LRTM2: variants seen among roughly 807,000 people sequenced by gnomAD.
The protein encoded by LRTM2 is leucine-rich repeat and transmembrane domain-containing protein 2.
A neutral mutation model predicts 28.1 loss-of-function variants in LRTM2; 18 were observed. The ratio of observed to expected loss-of-function variants is 0.64; its 90% CI spans 0.44 to 0.95. The LOEUF (loss-of-function observed/expected upper bound fraction) is 0.95. Ranked by LOEUF, LRTM2 falls within the 40% of genes least tolerant of loss-of-function variation. The pLI, the probability that LRTM2 is intolerant of heterozygous loss-of-function variation, is 0.00. For synonymous variants in LRTM2, 250 were observed against 218.7 expected (o/e 1.14, Z -1.26); for missense variants, 436 against 497.2 (o/e 0.88, Z 1.17).
At chr12:1,826,475 T>G (rs1864331735) in intron 1 of LRTM2, among the ~76,000 whole-genome samples, 1 of 120,782 alleles carries the variant, frequency 8.3e-6, no homozygotes, top group Admixed American at 1.2e-4. Flanking sequence ...TAGAGAACCA[T>G]GACAGCACCA....
intron 1 of LRTM2, chr12:1,822,212 C>G (rs560754212): frequency 6.6e-6 from 1 of 152,194 alleles, no homozygotes; most frequent in Non-Finnish European, 1.5e-5. Flanking sequence ...TCTGGGCCCA[C>G]GAGGAGCAAA....
In LRTM2 at chr12:1,828,142, C is replaced by T; in HGVS notation, c.-7C>T. ...GCGACAGGGCCCGGAGAGCCGTGGG[C>T]CTCACCATGCTGGCGCCGGGCAGCA... is the stretch of plus-strand genomic sequence containing the variant. On this transcript the variant is annotated 5_prime_UTR_variant, in exon 3 of 5. Coordinates refer to ENST00000299194, the MANE Select transcript of LRTM2 (RefSeq NM_001039029.3). This position sits in a 1 kb window ranked among gnomAD's most constrained non-coding sequence, Gnocchi z 4.2. 2 of 1,537,572 alleles carry T rather than the reference C, an allele frequency of 1.3e-6. No individual in the cohort carries two copies. Among genetic ancestry groups the T allele is most frequent in the Middle Eastern group, 1.9e-4 (1 of 5,314 alleles).
chr12:1,820,855 T>G lies in LRTM2; in HGVS notation c.-259+41T>G, dbSNP rs1592673780. 6.6e-6 allele frequency: 1 copy of G among 151,950 alleles called. No homozygotes were observed. Among genetic ancestry groups the G allele is most frequent in the South Asian group, 2.1e-4 (1 of 4,822 alleles). The allele number at this position is 151,950 out of a possible 1,614,324, so 9.4% of individuals were successfully genotyped here. A position where few individuals can be genotyped will look rare whatever the true frequency, so the allele number is the denominator to read the frequency against. On this transcript the variant is annotated intron_variant, in intron 1 of 4. Transcript: ENST00000299194. This position sits in a 1 kb window ranked among gnomAD's most constrained non-coding sequence, Gnocchi z 6.0. ...CTGGTAGGAAGGAATGGAGGGTTGG[T>G]GGGGACAGGGGGTGGTCGGGGCATG...
rs149880077 is a variant in LRTM2, at chr12:1,834,044, C to A, written c.659-223C>A. On this transcript the variant is annotated intron_variant, in intron 4 of 4. Coordinates refer to ENST00000299194, the MANE Select transcript of LRTM2 (RefSeq NM_001039029.3). The surrounding 1 kb of genome is among the most constrained non-coding windows in gnomAD (Gnocchi z 7.6). The stretch of plus-strand genomic sequence containing the variant: ...CAATATCCATTTCACATGGCTTCTG[C>A]GAGGATGAAATGGCACGATATACGT... Among the ~76,000 whole-genome samples, 1 of 152,174 alleles carries A rather than the reference C, an allele frequency of 6.6e-6. No individual in the cohort carries two copies. The highest frequency in any genetic ancestry group is 1.5e-5 in the Non-Finnish European group (1 of 68,030).
chr12:1,824,202 C>T (rs532003191), intron 1 of LRTM2, among the ~76,000 whole-genome samples: 49 of 152,276 alleles, frequency 3.2e-4, no homozygotes, highest in African/African-American at 9.6e-4. Flanking sequence ...TGGCCGTTTG[C>T]CCTGCTGAGA....
intron 3 of LRTM2, 87 bp from the exon 4 acceptor site, chr12:1,830,848 T>C: frequency 9.0e-7 from 1 of 1,111,586 alleles, no homozygotes; most frequent in South Asian, 1.6e-5. Flanking sequence ...GCCAAGAGCC[T>C]GTTATGAGCT....
Position 1,831,009 on chromosome 12 carries a change from C to T in LRTM2, c.142C>T (p.Arg48Cys), listed in dbSNP as rs1864600073. The T allele has an allele frequency of 6.2e-7, 1 of 1,614,022 alleles. No homozygotes were observed. The highest frequency in any genetic ancestry group is 8.5e-7 in the Non-Finnish European group (1 of 1,179,976). ...TCPFSCKCDS[R>C]SLEVDCSGLG... Reference sequence around the variant, plus strand: ...CCCTTTCTCCTGCAAGTGTGACAGCCGCAGCCTGGAGGTGGACTGCAGTGG... The same window carrying T: ...CCCTTTCTCCTGCAAGTGTGACAGCTGCAGCCTGGAGGTGGACTGCAGTGG... The change falls in exon 4 of 5, where the codon CGC (arginine) becomes TGC (cysteine). Residue 48 changes from arginine (R) to cysteine (C), a missense_variant. By Grantham distance (180) the Arg-to-Cys change is radical (BLOSUM62 -3). Transcript: ENST00000299194.
chr12:1,821,324 G>C (rs1371691329), intron 1 of LRTM2, among the ~76,000 whole-genome samples: 2 of 152,180 alleles, frequency 1.3e-5, no homozygotes, highest in Non-Finnish European at 1.5e-5. Flanking sequence ...CACAGACCCA[G>C]GTCCTGGGCC....
At chr12:1,825,979 C>T (rs1054967385) in intron 1 of LRTM2, among the ~76,000 whole-genome samples, 2 of 152,174 alleles carry the variant, frequency 1.3e-5, no homozygotes, top group East Asian at 1.9e-4. Context: ...GGACAGAGAG[C>T]GTGCACGCTG....
At chr12:1,822,627 G>A (rs1170725387) in intron 1 of LRTM2, among the ~76,000 whole-genome samples, 1 of 152,246 alleles carries the variant, frequency 6.6e-6, no homozygotes, top group South Asian at 2.1e-4. Context: ...GGAAACGGGG[G>A]TGCAGGAGGC....
chr12:1,831,665 C>T (rs1864636929), intron 4 of LRTM2, 140 bp downstream of exon 4: 7 of 708,734 alleles, frequency 9.9e-6, no homozygotes, highest in South Asian at 3.8e-5. Flanking sequence ...TGTGCCAGCT[C>T]GGCTAGAAAA....
chr12:1,827,382 T>A (rs73593740), intron 1 of LRTM2, 28 bp from the exon 2 acceptor site: 10 of 152,884 alleles, frequency 6.5e-5, no homozygotes, highest in African/African-American at 2.4e-4. Flanking sequence ...TTCTCACCTC[T>A]CCTTGTGTCC....
intron 3 of LRTM2, among the ~76,000 whole-genome samples, chr12:1,830,452 G>A (rs185761012): frequency 8.1e-4 from 124 of 152,358 alleles, no homozygotes; most frequent in African/African-American, 2.9e-3. Flanking sequence ...CCAGCAGCCT[G>A]GCCATTTTCC....
rs1003718032 is a variant in LRTM2 at position 1,836,171 on chromosome 12, G to C, written c.*1450G>C. ...AGAGAGTGGGTGGGGAGCCTGTCTGGGACAGAGCCACCTGCTGCCAAGGCA... is the reference window on the plus strand; with the variant it reads ...AGAGAGTGGGTGGGGAGCCTGTCTGCGACAGAGCCACCTGCTGCCAAGGCA... On this transcript the variant is annotated 3_prime_UTR_variant, in exon 5 of 5. Transcript: ENST00000299194. The C allele has an allele frequency of 6.6e-6, 1 of 152,478 alleles. No individual in the cohort carries two copies. The highest frequency in any genetic ancestry group is 2.4e-5 in the African/African-American group (1 of 41,468). The allele number at this position is 152,478 out of a possible 1,614,324, so 9.4% of individuals were successfully genotyped here. A position where few individuals can be genotyped will look rare whatever the true frequency, so the allele number is the denominator to read the frequency against.
chr12:1,831,236 G>C lies in LRTM2; in HGVS notation c.369G>C (p.Leu123=). 6.2e-7 allele frequency: 1 copy of C among 1,613,802 alleles called. No homozygotes were observed. Among genetic ancestry groups the C allele is most frequent in the Non-Finnish European group, 8.5e-7 (1 of 1,180,044 alleles). ...GDLTNLTELQ[L]RNNSIRTLDR... Reference sequence around the variant, plus strand: ...TGACGAATCTGACTGAGCTTCAGCTGCGCAATAACAGCATCAGGACCCTGG... The same window carrying C: ...TGACGAATCTGACTGAGCTTCAGCTCCGCAATAACAGCATCAGGACCCTGG... Residue 123 remains leucine, a synonymous_variant, in exon 4 of 5, where the codon CTG becomes CTC. Coordinates refer to ENST00000299194, the MANE Select transcript of LRTM2 (RefSeq NM_001039029.3).
intron 2 of LRTM2, 149 bp from the exon 3 acceptor site, chr12:1,827,927 C>G: frequency 2.4e-6 from 1 of 413,194 alleles, no homozygotes. Flanking sequence ...CTTCCTGGCT[C>G]CTCTTCTTCC....
intron 1 of LRTM2, among the ~76,000 whole-genome samples, chr12:1,824,722 G>C (rs920527647): frequency 2.6e-5 from 4 of 152,204 alleles, no homozygotes; most frequent in African/African-American, 9.6e-5. Context: ...CCCAATGTAG[G>C]TCACCCCCTT....
rs778801268 is a variant in LRTM2, at chr12:1,830,972, C to T, written c.105C>T (p.Ala35=). The T allele has an allele frequency of 1.1e-5, 17 of 1,612,910 alleles. No individual in the cohort carries two copies. The highest frequency in any genetic ancestry group is 3.3e-5 in the South Asian group (3 of 90,940). The change falls in exon 4 of 5, where the codon GCC becomes GCT. Residue 35 remains alanine (A), a synonymous_variant. Transcript: ENST00000299194. Reference sequence around the variant, plus strand: ...GGATCGCCCTGTATGCTGTGGAGGCCCTCCCCACCTGCCCTTTCTCCTGCA... The same window carrying T: ...GGATCGCCCTGTATGCTGTGGAGGCTCTCCCCACCTGCCCTTTCTCCTGCA... ...TCWIALYAVE[A]LPTCPFSCKC...
At position 1,820,828 on chromosome 12, in the gene LRTM2, G is replaced by A. The variant is rs1176449392; in HGVS notation, c.-259+14G>A. 1 of 152,368 alleles carries A rather than the reference G, an allele frequency of 6.6e-6. No homozygotes were observed. Among genetic ancestry groups the A allele is most frequent in the Non-Finnish European group, 1.5e-5 (1 of 68,130 alleles). 9.4% of individuals were successfully genotyped at this position (152,368 alleles called of 1,614,324 possible). A position where few individuals can be genotyped will look rare whatever the true frequency, so the allele number is the denominator to read the frequency against. ...GAGTAAAGACGGGTGAGTACCGAGTGGCTGGTAGGAAGGAATGGAGGGTTG... is the reference window on the plus strand; with the variant it reads ...GAGTAAAGACGGGTGAGTACCGAGTAGCTGGTAGGAAGGAATGGAGGGTTG... On this transcript the variant is annotated intron_variant, in intron 1 of 4. Transcript: ENST00000299194. The surrounding 1 kb of genome is among the most constrained non-coding windows in gnomAD (Gnocchi z 6.0).
Sources: allele counts gnomAD v4.1 joint callset (sites outside exome capture counted in the v4.1 genomes callset), GRCh38; gene constraint gnomAD v4.1.1; non-coding constraint Gnocchi (gnomAD v3.1); transcripts MANE v1.5; gene names NCBI Gene and HGNC (gene_info 2026-07-23, HGNC 2026-07-21).